TSPAN5: variants seen among roughly 807,000 people sequenced by gnomAD.
The protein encoded by TSPAN5 is tetraspanin-5.
A neutral mutation model predicts 37.1 loss-of-function variants in TSPAN5; 10 were observed. The ratio of observed to expected loss-of-function variants is 0.27; its 90% CI spans 0.17 to 0.46. The LOEUF (loss-of-function observed/expected upper bound fraction) is 0.46. TSPAN5 is among the 20% of genes least tolerant of loss of function. TSPAN5 has a pLI of 1.00. For synonymous variants in TSPAN5, 110 were observed against 118.9 expected, an observed-to-expected ratio of 0.93 and a Z score of 0.48; for missense variants, 195 against 326.6, an observed-to-expected ratio of 0.60 and a Z score of 3.11.
At chr4:98,503,278 C>T (rs921648925) in intron 2 of TSPAN5, among the ~76,000 whole-genome samples, 6 of 152,064 alleles carry the variant, frequency 3.9e-5, no homozygotes, top group African/African-American at 9.7e-5. Flanking sequence ...GGAGAAAGGA[C>T]GCAATCCAGC....
chr4:98,592,433 T>TTG (rs1553916148), intron 1 of TSPAN5, among the ~76,000 whole-genome samples: 2 of 144,722 alleles, frequency 1.4e-5, no homozygotes, highest in African/African-American at 5.5e-5. Flanking sequence ...TTTTTGTTTT[T>TTG]TTTTTTTTTT....
At chr4:98,639,801 T>A (rs1756926282) in intron 1 of TSPAN5, among the ~76,000 whole-genome samples, 1 of 152,308 alleles carries the variant, frequency 6.6e-6, no homozygotes, top group Non-Finnish European at 1.5e-5. Flanking sequence ...AAGAAATGAA[T>A]GACTAGTAGA....
At chr4:98,602,861 C>T (rs1755913763) in intron 1 of TSPAN5, among the ~76,000 whole-genome samples, 1 of 152,144 alleles carries the variant, frequency 6.6e-6, no homozygotes. Flanking sequence ...AGGCTCCTAA[C>T]ACATATGACA....
rs376446680 is a variant in TSPAN5, at chr4:98,480,012, C to T, written c.451-1202G>A. 1.4e-4 allele frequency among the ~76,000 whole-genome samples: 22 copies of T among 152,172 alleles called. 1 individual carries two copies. Among genetic ancestry groups the T allele is most frequent in the Admixed American group, 4.6e-4 (7 of 15,286 alleles). On this transcript the variant is annotated intron_variant, in intron 4 of 7. Transcript: ENST00000305798. ...ACTTAATAATAAATTCTGGTATATC[C>T]AGTGCATTGTTGGCACTGCGTGACC...
chr4:98,520,489 G>A (rs553808167), intron 1 of TSPAN5, among the ~76,000 whole-genome samples: 7 of 152,258 alleles, frequency 4.6e-5, no homozygotes, highest in South Asian at 2.1e-4. Flanking sequence ...GGAAATATCC[G>A]TTACCTTACG....
At chr4:98,589,620 A>G (rs1755578741) in intron 1 of TSPAN5, among the ~76,000 whole-genome samples, 1 of 152,230 alleles carries the variant, frequency 6.6e-6, no homozygotes, top group African/African-American at 2.4e-5. Flanking sequence ...GCCTAGACCC[A>G]CAACCCGGAA....
chr4:98,572,164 G>A (rs72902292), intron 1 of TSPAN5, among the ~76,000 whole-genome samples: 8,083 of 151,888 alleles, frequency 0.053, 272 homozygotes, highest in East Asian at 0.092. Flanking sequence ...GGGTTTCGCC[G>A]TTAACAATTT....
chr4:98,603,406 T>C (rs1421349986), intron 1 of TSPAN5, among the ~76,000 whole-genome samples: 3 of 152,230 alleles, frequency 2.0e-5, no homozygotes, highest in Admixed American at 1.3e-4. Flanking sequence ...AAAGATCAGA[T>C]TTCTCAAGTA....
chr4:98,611,167 G>C (rs2110234446), intron 1 of TSPAN5, among the ~76,000 whole-genome samples: 1 of 152,264 alleles, frequency 6.6e-6, no homozygotes, highest in African/African-American at 2.4e-5. Flanking sequence ...GTACTACTCA[G>C]GGATGTCCTT....
intron 1 of TSPAN5, among the ~76,000 whole-genome samples, chr4:98,618,038 A>G (rs1054560854): frequency 3.9e-5 from 6 of 152,150 alleles, no homozygotes; most frequent in Non-Finnish European, 8.8e-5. Context: ...CTTGTACACA[A>G]CCTTGGAGAG....
intron 1 of TSPAN5, among the ~76,000 whole-genome samples, chr4:98,601,738 T>C (rs763308273): frequency 2.0e-5 from 3 of 152,218 alleles, no homozygotes; most frequent in Non-Finnish European, 2.9e-5. Flanking sequence ...TTCAATAACT[T>C]TTCCTTTGTA....
At chr4:98,647,309 G>A (rs1301240974) in intron 1 of TSPAN5, among the ~76,000 whole-genome samples, 1 of 152,176 alleles carries the variant, frequency 6.6e-6, no homozygotes, top group Non-Finnish European at 1.5e-5. Flanking sequence ...TACTTACTTG[G>A]CAGAATTAAA....
chr4:98,565,779 G>A (rs1247493158), intron 1 of TSPAN5, among the ~76,000 whole-genome samples: 4 of 152,166 alleles, frequency 2.6e-5, no homozygotes, highest in African/African-American at 9.7e-5. Context: ...AGGTGCCTGT[G>A]TTCCCTCCTT....
At chr4:98,592,143 C>G (rs1362442350) in intron 1 of TSPAN5, among the ~76,000 whole-genome samples, 3 of 150,602 alleles carry the variant, frequency 2.0e-5, no homozygotes, top group Non-Finnish European at 4.4e-5. Flanking sequence ...TAGATAGCCA[C>G]ATGGAGAACA....
At chr4:98,629,517 G>T (rs574120272) in intron 1 of TSPAN5, among the ~76,000 whole-genome samples, 1 of 152,270 alleles carries the variant, frequency 6.6e-6, no homozygotes, top group South Asian at 2.1e-4. Context: ...CTCTGCTCTG[G>T]TTTGCAGAAT....
intron 1 of TSPAN5, among the ~76,000 whole-genome samples, chr4:98,608,981 T>C (rs1004822308): frequency 1.3e-5 from 2 of 152,222 alleles, no homozygotes; most frequent in African/African-American, 4.8e-5. Context: ...CTGAGCAAGG[T>C]ATCTCTTATC....
intron 1 of TSPAN5, among the ~76,000 whole-genome samples, chr4:98,538,863 A>T (rs1182183263): frequency 2.0e-5 from 3 of 152,172 alleles, no homozygotes; most frequent in Admixed American, 2.0e-4. Context: ...AATTTATTTG[A>T]TATTACAGTT....
At chr4:98,577,372 C>G (rs1448025919) in intron 1 of TSPAN5, among the ~76,000 whole-genome samples, 1 of 152,126 alleles carries the variant, frequency 6.6e-6, no homozygotes, top group Non-Finnish European at 1.5e-5. Context: ...CAACCAGAAT[C>G]TTTATTGTTT....
At chr4:98,504,963 TC>T (rs1383075239) in intron 2 of TSPAN5, among the ~76,000 whole-genome samples, 1 of 152,194 alleles carries the variant, frequency 6.6e-6, no homozygotes, top group Non-Finnish European at 1.5e-5. Context: ...GTGAGGGCTT[TC>T]TTCCTGGCTA....
Sources: gnomAD v4.1 joint callset for allele counts (sites outside exome capture counted in the v4.1 genomes callset) on GRCh38, gnomAD v4.1.1 for gene constraint, MANE v1.5 for transcripts, NCBI Gene and HGNC (gene_info 2026-07-23, HGNC 2026-07-21) for gene names.